Variants in USP7 observed in about 807,000 individuals in gnomAD.
USP7 encodes ubiquitin C-terminal hydrolase 7.
In USP7, 9 loss-of-function variants were observed where a neutral mutation model predicts 162.9. The observed-to-expected ratio is 0.06, with a 90% CI of 0.03 to 0.10. USP7 has a LOEUF of 0.10. USP7 is among the 10% of genes least tolerant of loss of function. The pLI is 1.00. For synonymous variants in USP7, 562 were observed against 475.9 expected (o/e 1.18, Z -2.35); for missense variants, 715 against 1,373.7 (o/e 0.52, Z 7.58).
At chr16:8,915,625 G>T in intron 8 of USP7, 100 bp from the exon 9 acceptor site, 1 of 1,064,406 alleles carries the variant, frequency 9.4e-7, no homozygotes, top group Non-Finnish European at 1.4e-6. Context: ...CAAAGAAGTT[G>T]TAGACTATAA....
intron 1 of USP7, among the ~76,000 whole-genome samples, chr16:8,958,580 G>A (rs927434952): frequency 6.6e-6 from 1 of 152,218 alleles, no homozygotes; most frequent in Non-Finnish European, 1.5e-5. Context: ...GTCTGAGACA[G>A]CCAAACGGGC....
intron 2 of USP7, among the ~76,000 whole-genome samples, chr16:8,928,039 A>G (rs1432046350): frequency 6.6e-6 from 1 of 152,212 alleles, no homozygotes; most frequent in East Asian, 1.9e-4. Context: ...AATAGTGAAT[A>G]AGGAACTAAA....
intron 2 of USP7, among the ~76,000 whole-genome samples, chr16:8,929,706 T>A (rs1037608934): frequency 6.6e-6 from 1 of 152,058 alleles, no homozygotes; most frequent in Non-Finnish European, 1.5e-5. Flanking sequence ...TTTGATAAAT[T>A]TAAAGAAGGA....
At chr16:8,942,593 G>A (rs1340028966) in intron 1 of USP7, among the ~76,000 whole-genome samples, 1 of 152,210 alleles carries the variant, frequency 6.6e-6, no homozygotes, top group Non-Finnish European at 1.5e-5. Context: ...TGTTGGGCAG[G>A]CTGGAGTGCA....
chr16:8,930,779 G>C (rs564463812), intron 1 of USP7, among the ~76,000 whole-genome samples: 2 of 152,248 alleles, frequency 1.3e-5, no homozygotes, highest in African/African-American at 2.4e-5. Context: ...GACCAGGCTG[G>C]CCAACATGGT....
At chr16:8,898,178 G>C (rs997040515) in intron 25 of USP7, among the ~76,000 whole-genome samples, 182 bp downstream of exon 25, 1 of 152,154 alleles carries the variant, frequency 6.6e-6, no homozygotes, top group African/African-American at 2.4e-5. Flanking sequence ...ATGCACCCCA[G>C]AGGCCTCAGG....
chr16:8,927,953 T>G (rs1898103046), intron 2 of USP7, among the ~76,000 whole-genome samples: 1 of 152,250 alleles, frequency 6.6e-6, no homozygotes, highest in Admixed American at 6.5e-5. Context: ...AAGACCAGCC[T>G]GGGTAACATA....
intron 27 of USP7, 63 bp downstream of exon 27, chr16:8,895,579 T>TAA (rs2061668509): frequency 6.0e-6 from 8 of 1,336,206 alleles, no homozygotes; most frequent in Non-Finnish European, 8.5e-6. Context: ...CTGTGATATT[T>TAA]AAATATGCAG....
At chr16:8,924,354 C>G (rs1054367633) in intron 2 of USP7, among the ~76,000 whole-genome samples, 7 of 152,254 alleles carry the variant, frequency 4.6e-5, no homozygotes, top group Admixed American at 4.6e-4. Context: ...ACATGCTACA[C>G]AAGCTTCTAA....
chr16:8,907,582 G>A (rs1333655199), intron 12 of USP7, among the ~76,000 whole-genome samples: 1 of 152,230 alleles, frequency 6.6e-6, no homozygotes, highest in African/African-American at 2.4e-5. Flanking sequence ...GTGGCCGGGT[G>A]TGGTGGTTCA....
intron 1 of USP7, among the ~76,000 whole-genome samples, chr16:8,936,956 A>G (rs1231420317): frequency 6.6e-6 from 1 of 152,186 alleles, no homozygotes; most frequent in African/African-American, 2.4e-5. Flanking sequence ...ACAACCCGAG[A>G]AAGTCGCTGG....
In USP7 at chr16:8,897,031, C is replaced by T. The variant is rs1344081769; in HGVS notation, c.2787G>A (p.Val929=). 6.2e-7 allele frequency: 1 copy of T among 1,614,220 alleles called. No homozygotes were observed. The highest frequency in any genetic ancestry group is 1.1e-5 in the South Asian group (1 of 91,086). The change falls in exon 26 of 31, where the codon GTG becomes GTA. Residue 929 remains valine (V), a synonymous_variant. Transcript: ENST00000344836. ...TCCCTGATGCTTTCTCCCCAAGCTC[C>T]ACGGCCTTTTTACATTCTTCTAACA... The part of the protein sequence containing the change: ...RDLLEECKKA[V]ELGEKASGKL...
chr16:8,905,661 T>C (rs894248652), intron 13 of USP7, among the ~76,000 whole-genome samples: 2 of 152,214 alleles, frequency 1.3e-5, no homozygotes, highest in East Asian at 1.9e-4. Context: ...ACCAACTCTT[T>C]ACAGAATTAA....
At chr16:8,928,917 G>A (rs892799775) in intron 2 of USP7, among the ~76,000 whole-genome samples, 1 of 151,932 alleles carries the variant, frequency 6.6e-6, no homozygotes, top group Admixed American at 6.6e-5. Flanking sequence ...GACCGCAAGT[G>A]GAGGGCAGCA....
chr16:8,923,458 C>G (rs1309151297), intron 2 of USP7, 45 bp from the exon 3 acceptor site: 7 of 1,591,380 alleles, frequency 4.4e-6, no homozygotes, highest in Non-Finnish European at 6.0e-6. Context: ...GTGCATTGAC[C>G]AAAAGCACTA....
intron 1 of USP7, among the ~76,000 whole-genome samples, chr16:8,962,084 G>C (rs1900037831): frequency 6.6e-6 from 1 of 152,148 alleles, no homozygotes; most frequent in Non-Finnish European, 1.5e-5. Context: ...CCACCAACCG[G>C]TGTGCAGCGC....
intron 1 of USP7, among the ~76,000 whole-genome samples, chr16:8,942,100 AG>A (rs2141250467): frequency 6.6e-6 from 1 of 152,396 alleles, no homozygotes; most frequent in African/African-American, 2.4e-5. Context: ...CAACAGGAAC[AG>A]GAACAGGGCA....
At position 8,945,565 on chromosome 16, in the gene USP7, G is replaced by A. The variant is rs192504024; in HGVS notation, c.80-15168C>T. On this transcript the variant is annotated intron_variant, in intron 1 of 30. Coordinates refer to ENST00000344836, the MANE Select transcript of USP7 (RefSeq NM_003470.3). ...TGTGAATGCTAGCCATTCATAAGAG[G>A]AAAATCACTGAGACTGGGGACATAC... 9.3e-4 allele frequency among the ~76,000 whole-genome samples: 141 copies of A among 152,292 alleles called. 3 individuals are homozygous for A. In the East Asian group the frequency reaches 0.019, roughly 20 times the overall value.
intron 27 of USP7, 46 bp from the exon 28 acceptor site, chr16:8,895,196 T>G (rs750930936): frequency 6.2e-7 from 1 of 1,613,182 alleles, no homozygotes; most frequent in East Asian, 2.2e-5. Flanking sequence ...GCAAGTGATG[T>G]GGTCAAAGTG....
Sources: gnomAD v4.1 joint callset for allele counts (sites outside exome capture counted in the v4.1 genomes callset) on GRCh38, gnomAD v4.1.1 for gene constraint, MANE v1.5 for transcripts, NCBI Gene and HGNC (gene_info 2026-07-23, HGNC 2026-07-21) for gene names.